The following ARID1A variants were observed in gnomAD, a reference collection of about 807,000 sequenced individuals.
ARID1A encodes the protein AT-rich interaction domain 1A.
In ARID1A, 20 loss-of-function variants were observed where a neutral mutation model predicts 212.6. The ratio of observed to expected loss-of-function variants is 0.09; its 90% CI spans 0.07 to 0.14. The LOEUF is 0.14. Ranked by LOEUF, ARID1A falls within the 10% of genes least tolerant of loss-of-function variation. The pLI, the probability that ARID1A is intolerant of heterozygous loss-of-function variation, is 1.00. For synonymous variants in ARID1A, 1,376 were observed against 1,222.1 expected, an observed-to-expected ratio of 1.13 and a Z score of -2.63; for missense variants, 2,587 against 3,059.0, an observed-to-expected ratio of 0.85 and a Z score of 3.64.
chr1:26,772,591 A>G lies in ARID1A; in HGVS notation c.3498A>G (p.Ala1166=), dbSNP rs150266756. The G allele has an allele frequency of 6.2e-7, 1 of 1,614,216 alleles. No individual in the cohort carries two copies. The highest frequency in any genetic ancestry group is 8.5e-7 in the Non-Finnish European group (1 of 1,180,048). ...EGGDLKPPTP[A]STPHSQIPPL... Reference sequence around the variant, plus strand: ...GAGACTTAAAGCCACCAACTCCAGCATCCACACCACACAGTCAGATCCCCC... The same window carrying G: ...GAGACTTAAAGCCACCAACTCCAGCGTCCACACCACACAGTCAGATCCCCC... The change falls in exon 13 of 20, where the codon GCA becomes GCG. Residue 1166 remains alanine, a synonymous_variant. Coordinates refer to ENST00000324856, the MANE Select transcript of ARID1A (RefSeq NM_006015.6).
chr1:26,777,215 CCA>C (rs1017217737), intron 19 of ARID1A, among the ~76,000 whole-genome samples: 6 of 151,980 alleles, frequency 3.9e-5, no homozygotes, highest in African/African-American at 1.4e-4. Context: ...CAGGCAAATG[CCA>C]CCATGTCCAG....
intron 1 of ARID1A, among the ~76,000 whole-genome samples, chr1:26,707,635 G>A (rs557885567): frequency 3.5e-4 from 53 of 152,228 alleles, no homozygotes; most frequent in South Asian, 2.3e-3. Flanking sequence ...GAGCCACTGT[G>A]CCTGGCAAGG....
At position 26,779,030 on chromosome 1, in the gene ARID1A, G is replaced by T. The variant is rs2081164007; in HGVS notation, c.5132G>T (p.Gly1711Val). ...TGTTCTTTCTCTTTTTAGCTCCCAG[G>T]GTTGCTAGAGCTCCTTGTAGAATAT... ...IMTFNLSQLPGLLELLVEYFR... is the reference protein window; with the variant it reads ...IMTFNLSQLPVLLELLVEYFR... Residue 1711 changes from glycine to valine, a missense_variant, in exon 20 of 20, where the codon GGG becomes GTG. Coordinates refer to ENST00000324856, the MANE Select transcript of ARID1A (RefSeq NM_006015.6). 6.7e-7 allele frequency: 1 copy of T among 1,500,812 alleles called. No individual in the cohort carries two copies. The highest frequency in any genetic ancestry group is 8.9e-7 in the Non-Finnish European group (1 of 1,124,294). 93.0% of individuals were successfully genotyped at this position (1,500,812 alleles called of 1,614,324 possible).
chr1:26,776,028 T>G, intron 19 of ARID1A: 1 of 423,666 alleles, frequency 2.4e-6, no homozygotes. Flanking sequence ...TTTTTTGTTT[T>G]TTTAATAGAG....
intron 1 of ARID1A, among the ~76,000 whole-genome samples, chr1:26,712,315 A>T (rs1429444174): frequency 6.6e-6 from 1 of 151,940 alleles, no homozygotes; most frequent in African/African-American, 2.4e-5. Flanking sequence ...CTCACCCCCT[A>T]CTTCTTAGTG....
rs769381588 is a variant in ARID1A, at chr1:26,774,701, G to A, written c.4474G>A (p.Ala1492Thr). 1 of 1,614,116 alleles carries A rather than the reference G, an allele frequency of 6.2e-7. No homozygotes were observed. Among genetic ancestry groups the A allele is most frequent in the African/African-American group, 1.3e-5 (1 of 74,942 alleles). Residue 1492 changes from alanine to threonine, a missense_variant, in exon 18 of 20, where the codon GCT (alanine) becomes ACT (threonine). Physicochemically the swap from Ala to Thr is moderately conservative, Grantham distance 58 (BLOSUM62 0). Transcript: ENST00000324856. This position sits in a 1 kb window ranked among gnomAD's most constrained non-coding sequence, Gnocchi z 5.6. ...GGPIQASAEV[A>T]QQGTMWQGRN... ...CCCCATACAGGCATCAGCTGAGGTT[G>A]CTCAGCAAGGCACCATGTGGCAGGG...
intron 1 of ARID1A, among the ~76,000 whole-genome samples, chr1:26,720,266 T>C (rs1570565580): frequency 6.9e-6 from 1 of 144,974 alleles, no homozygotes; most frequent in Non-Finnish European, 1.5e-5. Flanking sequence ...AAAAAAAAGG[T>C]ACAACCTTCC....
intron 2 of ARID1A, among the ~76,000 whole-genome samples, chr1:26,730,143 A>C (rs1351825850): frequency 1.3e-5 from 2 of 152,186 alleles, no homozygotes; most frequent in African/African-American, 4.8e-5. Flanking sequence ...TCTCTGAATG[A>C]GATGGGATGA....
intron 18 of ARID1A, 114 bp from the exon 19 acceptor site, chr1:26,775,463 A>AG: frequency 1.4e-6 from 2 of 1,480,448 alleles, no homozygotes; most frequent in South Asian, 2.6e-5. Flanking sequence ...TCCCAGACAG[A>AG]AACTGCCTTC....
chr1:26,767,065 G>A (rs1302782026), intron 10 of ARID1A, among the ~76,000 whole-genome samples: 1 of 152,128 alleles, frequency 6.6e-6, no homozygotes, highest in Non-Finnish European at 1.5e-5. Context: ...TAGGCTGTGC[G>A]GTAGTAAAGG....
In ARID1A at chr1:26,764,088, G is replaced by A. The variant is rs964035749; in HGVS notation, c.2732+803G>A. Among the ~76,000 whole-genome samples, 13 of 152,122 alleles carry A rather than the reference G, an allele frequency of 8.5e-5. No homozygotes were observed. In the East Asian group the frequency reaches 2.3e-3, roughly 27 times the overall value. On this transcript the variant is annotated intron_variant, in intron 8 of 19. Transcript: ENST00000324856. ...AGGTTCAACCAATTGTCCTGCCTCA[G>A]CCTCCCAAGTAGCTGGTGTTACAGG...
intron 1 of ARID1A, among the ~76,000 whole-genome samples, chr1:26,711,703 C>T (rs1195439909): frequency 6.6e-6 from 1 of 152,138 alleles, no homozygotes; most frequent in Non-Finnish European, 1.5e-5. Flanking sequence ...TTCCATTTCT[C>T]TTTCTCTTAG....
rs1029830928 is a variant in ARID1A, at chr1:26,697,126, C to T, written c.723C>T (p.Ser241=). ...CCCCGAGAGGTGGCACTCCGGGCTC[C>T]GGCGCGGCGGCGGCTGCCGGCTCCA... ...LSSPRGGTPG[S]GAAAAAGSKP... The change falls in exon 1 of 20, where the codon TCC becomes TCT. Residue 241 remains serine (S), a synonymous_variant. Coordinates refer to ENST00000324856, the MANE Select transcript of ARID1A (RefSeq NM_006015.6). The T allele has an allele frequency of 4.9e-6, 7 of 1,437,928 alleles. No homozygotes were observed. The highest frequency in any genetic ancestry group is 3.2e-5 in the Admixed American group (1 of 31,356). The allele number at this position is 1,437,928 out of a possible 1,614,324, so 89.1% of individuals were successfully genotyped here. A position where few individuals can be genotyped will look rare whatever the true frequency, so the allele number is the denominator to read the frequency against.
At position 26,774,746 on chromosome 1, in the gene ARID1A, A is replaced by G. The variant is rs1195906741; in HGVS notation, c.4519A>G (p.Asn1507Asp). Reference protein sequence around the residue: ...MWQGRNDMTYNYANRQSTGSA... With the variant: ...MWQGRNDMTYDYANRQSTGSA... ...GCAGGGGCGTAATGACATGACCTAT[A>G]ATTATGCCAACAGGCAGAGCACGGG... is the stretch of plus-strand genomic sequence containing the variant. Residue 1507 changes from asparagine to aspartate, a missense_variant, in exon 18 of 20, where the codon AAT (asparagine) becomes GAT (aspartate). Transcript: ENST00000324856. This position sits in a 1 kb window ranked among gnomAD's most constrained non-coding sequence, Gnocchi z 5.6. The G allele has an allele frequency of 6.2e-7, 1 of 1,614,158 alleles. No homozygotes were observed. Among genetic ancestry groups the G allele is most frequent in the African/African-American group, 1.3e-5 (1 of 75,032 alleles).
chr1:26,735,396 G>C (rs1364431027), intron 4 of ARID1A, among the ~76,000 whole-genome samples: 1 of 152,192 alleles, frequency 6.6e-6, no homozygotes, highest in African/African-American at 2.4e-5. Flanking sequence ...AGGTTGAAGT[G>C]ATTCTCCTGC....
intron 13 of ARID1A, 35 bp downstream of exon 13, chr1:26,772,667 A>T (rs925774133): frequency 1.2e-6 from 2 of 1,613,986 alleles, no homozygotes; most frequent in Non-Finnish European, 1.7e-6. Flanking sequence ...GGTTGGGAGG[A>T]TGGCTGAAGA....
At chr1:26,749,511 C>T (rs903735865) in intron 4 of ARID1A, among the ~76,000 whole-genome samples, 5 of 152,136 alleles carry the variant, frequency 3.3e-5, no homozygotes, top group African/African-American at 1.2e-4. Flanking sequence ...AGTGACCCAG[C>T]CGCTGTTTGC....
intron 4 of ARID1A, among the ~76,000 whole-genome samples, chr1:26,756,793 T>C (rs927120115): frequency 1.8e-4 from 27 of 151,448 alleles, no homozygotes; most frequent in Admixed American, 1.6e-3. Flanking sequence ...AGCTGCGCCT[T>C]CCAGATTCAC....
intron 4 of ARID1A, among the ~76,000 whole-genome samples, chr1:26,734,343 CTTTTT>C (rs55976597): frequency 9.9e-5 from 12 of 121,420 alleles, no homozygotes; most frequent in Admixed American, 2.5e-4. Context: ...TATTTGGCTT[CTTTTT>C]TTTTTTTTTT....
Sources: gnomAD v4.1 joint callset for allele counts (sites outside exome capture counted in the v4.1 genomes callset) on GRCh38, gnomAD v4.1.1 for gene constraint, Gnocchi (gnomAD v3.1) non-coding constraint, MANE v1.5 for transcripts, NCBI Gene and HGNC (gene_info 2026-07-23, HGNC 2026-07-21) for gene names.